The following ZNRF1 variants were observed in gnomAD, a reference collection of about 807,000 sequenced individuals.
ZNRF1 encodes E3 ubiquitin-protein ligase ZNRF1.
In ZNRF1, 3 loss-of-function variants were observed where a neutral mutation model predicts 18.4. The observed-to-expected ratio is 0.16, with a 90% confidence interval of 0.07 to 0.42. The LOEUF is 0.42. Ranked by LOEUF, ZNRF1 falls within the 10% of genes least tolerant of loss-of-function variation. The pLI is 0.99. For synonymous variants in ZNRF1, 157 were observed against 144.2 expected, an observed-to-expected ratio of 1.09 and a Z score of -0.64; for missense variants, 310 against 329.8, an observed-to-expected ratio of 0.94 and a Z score of 0.47.
chr16:75,072,355 C>A (rs1329934697), intron 1 of ZNRF1, among the ~76,000 whole-genome samples: 8 of 152,154 alleles, frequency 5.3e-5, no homozygotes, highest in Admixed American at 3.9e-4. Context: ...CCACTGGCCC[C>A]AAAATGGCAG....
At chr16:75,103,783 G>A (rs1335289400) in intron 2 of ZNRF1, among the ~76,000 whole-genome samples, 4 of 152,094 alleles carry the variant, frequency 2.6e-5, no homozygotes, top group East Asian at 1.9e-4. Context: ...TCAGGAGTTC[G>A]AGACCAGCCC....
chr16:75,093,514 G>A (rs1353706668), intron 1 of ZNRF1, 58 bp from the exon 2 acceptor site: 3 of 1,335,040 alleles, frequency 2.2e-6, no homozygotes, highest in South Asian at 1.2e-5. Context: ...GTGTCCACAT[G>A]TACTGTGGAT....
Position 75,030,442 on chromosome 16 carries a change from A to G in ZNRF1, c.424+30347A>G, listed in dbSNP as rs963203599. 1.4e-4 allele frequency among the ~76,000 whole-genome samples: 22 copies of G among 152,114 alleles called. 1 individual carries two copies. Among genetic ancestry groups the G allele is most frequent in the African/African-American group, 4.8e-4 (20 of 41,440 alleles). On this transcript the variant is annotated intron_variant, in intron 1 of 4. Transcript: ENST00000335325. ...CTGCAGTAGCTGGAGGAAAAAAAAAAGAGAGAAATATTTAAAGAAAAAGAG... is the reference window on the plus strand; with the variant it reads ...CTGCAGTAGCTGGAGGAAAAAAAAAGGAGAGAAATATTTAAAGAAAAAGAG...
intron 1 of ZNRF1, among the ~76,000 whole-genome samples, chr16:75,039,716 G>C (rs907264552): frequency 6.6e-6 from 1 of 152,238 alleles, no homozygotes; most frequent in Non-Finnish European, 1.5e-5. Context: ...CCAGTGGGAA[G>C]AGAGGGGTTG....
chr16:75,025,738 A>T (rs1379590732), intron 1 of ZNRF1, among the ~76,000 whole-genome samples: 1 of 152,176 alleles, frequency 6.6e-6, no homozygotes, highest in Non-Finnish European at 1.5e-5. Context: ...AATGTGTCTA[A>T]CTTGTTTCAG....
At chr16:75,093,158 G>T (rs548049261) in intron 1 of ZNRF1, among the ~76,000 whole-genome samples, 2 of 152,290 alleles carry the variant, frequency 1.3e-5, no homozygotes, top group South Asian at 4.1e-4. Flanking sequence ...GCCGAGGCGG[G>T]TGAATCACCT....
At chr16:75,061,211 A>G (rs537455831) in intron 1 of ZNRF1, among the ~76,000 whole-genome samples, 9 of 152,306 alleles carry the variant, frequency 5.9e-5, no homozygotes, top group South Asian at 2.1e-4. Context: ...TTAACTGGCT[A>G]TAGTCACCCT....
At chr16:75,029,443 C>T (rs1017782052) in intron 1 of ZNRF1, among the ~76,000 whole-genome samples, 7 of 152,082 alleles carry the variant, frequency 4.6e-5, no homozygotes, top group Admixed American at 3.9e-4. Flanking sequence ...CCACCACGCC[C>T]GGCTGACCTT....
chr16:75,098,996 G>A (rs1272867216), intron 2 of ZNRF1, among the ~76,000 whole-genome samples: 1 of 152,186 alleles, frequency 6.6e-6, no homozygotes, highest in Non-Finnish European at 1.5e-5. Flanking sequence ...TTCACTCAGT[G>A]ACCAGGTTCC....
intron 2 of ZNRF1, chr16:75,104,511 C>G (rs984769490): frequency 3.3e-6 from 1 of 298,832 alleles, no homozygotes; most frequent in Non-Finnish European, 6.4e-6. Flanking sequence ...CTTCTCCAAG[C>G]CTTTTTCGTC....
chr16:75,046,383 C>T (rs957571128), intron 1 of ZNRF1, among the ~76,000 whole-genome samples: 1 of 151,748 alleles, frequency 6.6e-6, no homozygotes, highest in East Asian at 1.9e-4. Context: ...TCCCAAGTAG[C>T]TGGGATTACA....
intron 2 of ZNRF1, among the ~76,000 whole-genome samples, chr16:75,099,265 T>C (rs950240013): frequency 5.3e-5 from 8 of 152,170 alleles, no homozygotes; most frequent in Admixed American, 5.2e-4. Context: ...TACCTGCATA[T>C]AGCTGGCTTA....
chr16:75,060,729 C>T (rs964305434), intron 1 of ZNRF1, among the ~76,000 whole-genome samples: 9 of 151,238 alleles, frequency 6.0e-5, no homozygotes, highest in African/African-American at 1.9e-4. Flanking sequence ...CCACTTGCCT[C>T]GGCCTCCCAA....
At chr16:75,016,583 C>A (rs1483711050) in intron 1 of ZNRF1, among the ~76,000 whole-genome samples, 1 of 145,702 alleles carries the variant, frequency 6.9e-6, no homozygotes, top group East Asian at 2.1e-4. Context: ...TCACCCAGGC[C>A]GGAGTGCAGT....
At chr16:75,015,561 G>A (rs557047235) in intron 1 of ZNRF1, among the ~76,000 whole-genome samples, 1 of 152,252 alleles carries the variant, frequency 6.6e-6, no homozygotes, top group South Asian at 2.1e-4. Flanking sequence ...GGCAACAAGA[G>A]TGAAATTCTG....
Position 75,106,375 on chromosome 16 carries a change from A to G in ZNRF1, c.627-107A>G. The G allele has an allele frequency of 7.8e-6, 9 of 1,153,454 alleles. No individual in the cohort carries two copies. In the South Asian group the frequency reaches 1.1e-4, roughly 15 times the overall value. 71.5% of individuals were successfully genotyped at this position (1,153,454 alleles called of 1,614,324 possible). A position where few individuals can be genotyped will look rare whatever the true frequency, so the allele number is the denominator to read the frequency against. Reference sequence around the variant, plus strand: ...TGTGTTTCCCTGGGGTCCTTTCAGAAGAGACTTAGGAAGCTCCTGCTCAGG... The same window carrying G: ...TGTGTTTCCCTGGGGTCCTTTCAGAGGAGACTTAGGAAGCTCCTGCTCAGG... On this transcript the variant is annotated intron_variant, in intron 3 of 4. Coordinates refer to ENST00000335325, the MANE Select transcript of ZNRF1 (RefSeq NM_032268.5).
intron 1 of ZNRF1, among the ~76,000 whole-genome samples, chr16:75,039,501 T>C (rs2035415554): frequency 6.6e-6 from 1 of 152,216 alleles, no homozygotes; most frequent in South Asian, 2.1e-4. Context: ...TACGAGAGTG[T>C]TGTAGCTCAT....
intron 2 of ZNRF1, among the ~76,000 whole-genome samples, chr16:75,096,330 G>T (rs2036200338): frequency 6.6e-6 from 1 of 152,152 alleles, no homozygotes; most frequent in Admixed American, 6.5e-5. Flanking sequence ...TTCCAGGTAA[G>T]AGGAGAGCAT....
Position 75,020,772 on chromosome 16 carries a change from G to T in ZNRF1, c.424+20677G>T, listed in dbSNP as rs1032396150. On this transcript the variant is annotated intron_variant, in intron 1 of 4. Coordinates refer to ENST00000335325, the MANE Select transcript of ZNRF1 (RefSeq NM_032268.5). ...TTAGCCAGGAAGGTCTCGATCTCCT[G>T]ACCTCATGATCCGCTGCCCTCGGCC... 2.6e-5 allele frequency among the ~76,000 whole-genome samples: 4 copies of T among 152,150 alleles called. No homozygotes were observed. The South Asian group carries it at 8.3e-4, about 32-fold the overall frequency.
Sources: gnomAD v4.1 joint callset for allele counts (sites outside exome capture counted in the v4.1 genomes callset) on GRCh38, gnomAD v4.1.1 for gene constraint, MANE v1.5 for transcripts, NCBI Gene and HGNC (gene_info 2026-07-23, HGNC 2026-07-21) for gene names.